The following LTV1 variants were observed in gnomAD, a reference collection of about 807,000 sequenced individuals.
LTV1 encodes protein LTV1 homolog.
A neutral mutation model predicts 59.9 loss-of-function variants in LTV1; 39 were observed. The observed-to-expected ratio is 0.65, with a 90% confidence interval of 0.50 to 0.85. The LOEUF (loss-of-function observed/expected upper bound fraction) is 0.85. LTV1 is among the 40% of genes least tolerant of loss of function. The probability of loss-of-function intolerance (pLI) is 0.00; values close to 1 mark genes in which losing one functional copy is unlikely to be tolerated. For missense variants in LTV1, 493 were observed against 549.1 expected (o/e 0.90, Z 1.02); for synonymous variants, 171 against 189.5 (o/e 0.90, Z 0.80).
At chr6:143,847,559 C>G (rs1776914176) in intron 3 of LTV1, among the ~76,000 whole-genome samples, 1 of 152,186 alleles carries the variant, frequency 6.6e-6, no homozygotes, top group Non-Finnish European at 1.5e-5. Context: ...CGGGGTTTCT[C>G]CGTGTTGGTC....
At chr6:143,860,024 G>A (rs963564089) in intron 6 of LTV1, among the ~76,000 whole-genome samples, 18 of 152,088 alleles carry the variant, frequency 1.2e-4, no homozygotes, top group African/African-American at 4.3e-4. Context: ...GATTGCTTGA[G>A]CCTGAGAGTT....
intron 3 of LTV1, 118 bp downstream of exon 3, chr6:143,846,342 C>T: frequency 2.3e-6 from 2 of 885,830 alleles, no homozygotes. Flanking sequence ...TAGACCACGC[C>T]TCCACTTAAA....
At chr6:143,849,372 A>AT (rs1776945445) in intron 3 of LTV1, among the ~76,000 whole-genome samples, 1 of 152,160 alleles carries the variant, frequency 6.6e-6, no homozygotes, top group Non-Finnish European at 1.5e-5. Flanking sequence ...AAAATGTTTA[A>AT]TTTTGGTTTG....
At chr6:143,844,412 T>C (rs1776853743) in intron 1 of LTV1, 74 bp from the exon 2 acceptor site, 1 of 1,503,190 alleles carries the variant, frequency 6.7e-7, no homozygotes, top group Admixed American at 1.7e-5. Context: ...TAAAGATGCA[T>C]GTGTGGACTA....
Position 143,857,930 on chromosome 6 carries a change from T to A in LTV1, c.718T>A (p.Phe240Ile). 6.2e-7 allele frequency: 1 copy of A among 1,614,110 alleles called. No homozygotes were observed. The highest frequency in any genetic ancestry group is 8.5e-7 in the Non-Finnish European group (1 of 1,180,002). ...LFWSEETKSRFTEYSMTSSVM... is the reference protein window; with the variant it reads ...LFWSEETKSRITEYSMTSSVM... Reference sequence around the variant, plus strand: ...CTGGAGTGAGGAAACAAAGAGTCGCTTCACGGAGTATTCGATGACTTCCTC... The same window carrying A: ...CTGGAGTGAGGAAACAAAGAGTCGCATCACGGAGTATTCGATGACTTCCTC... Residue 240 changes from phenylalanine to isoleucine, a missense_variant, in exon 6 of 11, where the codon TTC (phenylalanine) becomes ATC (isoleucine). By Grantham distance (21) the Phe-to-Ile change is conservative. Transcript: ENST00000367576. The surrounding 1 kb of genome is among the most constrained non-coding windows in gnomAD (Gnocchi z 5.2).
chr6:143,844,377 T>TA, intron 1 of LTV1, 109 bp from the exon 2 acceptor site: 1 of 1,239,850 alleles, frequency 8.1e-7, no homozygotes, highest in African/African-American at 1.5e-5. Flanking sequence ...TGTAGATTTT[T>TA]AAAAAGTATC....
Position 143,862,357 on chromosome 6 carries a change from G to C in LTV1, c.1063+114G>C, listed in dbSNP as rs561806207. 5 of 857,066 alleles carry C rather than the reference G, an allele frequency of 5.8e-6. No individual in the cohort carries two copies. The East Asian group carries it at 1.2e-4, about 20-fold the overall frequency. The allele number at this position is 857,066 out of a possible 1,614,324, so 53.1% of individuals were successfully genotyped here. On this transcript the variant is annotated intron_variant, in intron 8 of 10. Transcript: ENST00000367576. This position sits in a 1 kb window ranked among gnomAD's most constrained non-coding sequence, Gnocchi z 4.2. ...CCCAGCACTTTGGGAGGCCGAGGCG[G>C]GTGGGTCACCTGATGTCAGGAGTTC...
intron 3 of LTV1, among the ~76,000 whole-genome samples, chr6:143,848,230 G>C (rs1009238712): frequency 2.0e-5 from 3 of 151,856 alleles, no homozygotes; most frequent in African/African-American, 4.8e-5. Flanking sequence ...TATCACAAAG[G>C]TACCTTTTTA....
chr6:143,856,936 C>T (rs918733987), intron 4 of LTV1, among the ~76,000 whole-genome samples: 6 of 152,220 alleles, frequency 3.9e-5, no homozygotes, highest in Admixed American at 2.6e-4. Flanking sequence ...AGGAGGCAGT[C>T]TGTCCCTTAG....
chr6:143,860,141 T>C (rs1047118), intron 6 of LTV1, among the ~76,000 whole-genome samples: 5 of 152,192 alleles, frequency 3.3e-5, no homozygotes, highest in African/African-American at 1.2e-4. Context: ...ACGTAATCTG[T>C]GCTGCCTAGC....
At chr6:143,849,215 T>C (rs1422779107) in intron 3 of LTV1, among the ~76,000 whole-genome samples, 1 of 152,080 alleles carries the variant, frequency 6.6e-6, no homozygotes, top group Non-Finnish European at 1.5e-5. Flanking sequence ...CCCCAAAGAA[T>C]AGAGTGAAAT....
intron 6 of LTV1, among the ~76,000 whole-genome samples, chr6:143,858,844 C>G (rs1777119594): frequency 6.6e-6 from 1 of 152,038 alleles, no homozygotes; most frequent in African/African-American, 2.4e-5. Context: ...GGACCCAAAG[C>G]TAAAACTTTT....
chr6:143,856,397 A>G (rs1777077891), intron 4 of LTV1, among the ~76,000 whole-genome samples: 1 of 152,134 alleles, frequency 6.6e-6, no homozygotes, highest in Non-Finnish European at 1.5e-5. Context: ...TTTAGCTCCA[A>G]GGAGTTTGTT....
chr6:143,857,218 C>G lies in LTV1; in HGVS notation c.398-85C>G, dbSNP rs976740843. On this transcript the variant is annotated intron_variant, in intron 4 of 10. Transcript: ENST00000367576. This position sits in a 1 kb window ranked among gnomAD's most constrained non-coding sequence, Gnocchi z 5.2. ...TCCTCAATATATTAATAGACTCTTG[C>G]TATCATAGGTCCTTATATTGTGAGT... 3.4e-6 allele frequency: 5 copies of G among 1,474,216 alleles called. No homozygotes were observed. The African/African-American group carries it at 4.2e-5, about 12-fold the overall frequency. The allele number at this position is 1,474,216 out of a possible 1,614,324, so 91.3% of individuals were successfully genotyped here. A position where few individuals can be genotyped will look rare whatever the true frequency, so the allele number is the denominator to read the frequency against.
chr6:143,860,810 T>A (rs1190997176), intron 7 of LTV1, among the ~76,000 whole-genome samples: 1 of 152,092 alleles, frequency 6.6e-6, no homozygotes, highest in Non-Finnish European at 1.5e-5. Flanking sequence ...TGTTCTGAAG[T>A]AGAACGTAAT....
Position 143,843,358 on chromosome 6 carries a change from T to C in LTV1, c.-120T>C, listed in dbSNP as rs1290304652. 1.6e-6 allele frequency: 2 copies of C among 1,254,446 alleles called. No homozygotes were observed. The highest frequency in any genetic ancestry group is 1.5e-5 in the African/African-American group (1 of 67,946). 77.7% of individuals were successfully genotyped at this position (1,254,446 alleles called of 1,614,324 possible). ...GCTGGGTGACGTTATCGCCGGGTCC[T>C]GGGGCTGCACGTGTGGTGAGGCCTA... On this transcript the variant is annotated 5_prime_UTR_variant, in exon 1 of 11. Coordinates refer to ENST00000367576, the MANE Select transcript of LTV1 (RefSeq NM_032860.5).
rs546743721 is a variant in LTV1, at chr6:143,848,605, A to T, written c.310-1526A>T. Among the ~76,000 whole-genome samples, 7 of 152,336 alleles carry T rather than the reference A, an allele frequency of 4.6e-5. No homozygotes were observed. In the South Asian group the frequency reaches 1.4e-3, roughly 32 times the overall value. ...GGCAGGTGGTGAGGTGCACAGAGATAAATAACACATGGCGGTTGTCCTCAC... is the reference window on the plus strand; with the variant it reads ...GGCAGGTGGTGAGGTGCACAGAGATTAATAACACATGGCGGTTGTCCTCAC... On this transcript the variant is annotated intron_variant, in intron 3 of 10. Coordinates refer to ENST00000367576, the MANE Select transcript of LTV1 (RefSeq NM_032860.5).
At chr6:143,858,875 C>T (rs1777120084) in intron 6 of LTV1, among the ~76,000 whole-genome samples, 1 of 152,042 alleles carries the variant, frequency 6.6e-6, no homozygotes, top group South Asian at 2.1e-4. Context: ...AACAGCGTAT[C>T]TCTTTATTAA....
Position 143,857,752 on chromosome 6 carries a change from G to T in LTV1, c.540G>T (p.Gln180His). ...ATGEEEGMDIQKSENEDDSEW... is the reference protein window; with the variant it reads ...ATGEEEGMDIHKSENEDDSEW... ...AGGTAATTTATGACCTTTACTTTAG[G>T]AAATCTGAGAATGAAGATGACAGCG... Residue 180 changes from glutamine to histidine, a missense_variant and splice_region_variant, in exon 6 of 11, where the codon CAG becomes CAT. Physicochemically the swap from Gln to His is conservative, Grantham distance 24. Transcript: ENST00000367576. The surrounding 1 kb of genome is among the most constrained non-coding windows in gnomAD (Gnocchi z 5.2). 2 of 1,613,780 alleles carry T rather than the reference G, an allele frequency of 1.2e-6. No individual in the cohort carries two copies. Among genetic ancestry groups the T allele is most frequent in the Admixed American group, 1.7e-5 (1 of 60,010 alleles).
Sources: allele counts gnomAD v4.1 joint callset (sites outside exome capture counted in the v4.1 genomes callset), GRCh38; gene constraint gnomAD v4.1.1; non-coding constraint Gnocchi (gnomAD v3.1); transcripts MANE v1.5; gene names NCBI Gene and HGNC (gene_info 2026-07-23, HGNC 2026-07-21).